COPB1: variants seen among roughly 807,000 people sequenced by gnomAD.
COPB1 encodes the protein coatomer subunit beta.
COPB1 carries 21 observed loss-of-function variants against 108.7 expected under a neutral mutation model. The observed-to-expected ratio is 0.19, with a 90% CI of 0.14 to 0.28. The LOEUF (loss-of-function observed/expected upper bound fraction) is 0.28. COPB1 is among the 10% of genes least tolerant of loss of function. The pLI is 1.00. For synonymous variants in COPB1, 378 were observed against 386.8 expected, an observed-to-expected ratio of 0.98 and a Z score of 0.27; for missense variants, 919 against 1,141.3, an observed-to-expected ratio of 0.81 and a Z score of 2.81.
At chr11:14,470,516 C>T (rs537169918) in intron 14 of COPB1, among the ~76,000 whole-genome samples, 29 of 152,284 alleles carry the variant, frequency 1.9e-4, no homozygotes, top group African/African-American at 6.7e-4. Flanking sequence ...CAAGTGATTG[C>T]AACTTACTTT....
intron 7 of COPB1, among the ~76,000 whole-genome samples, chr11:14,483,587 G>A (rs1335831371): frequency 1.3e-5 from 2 of 152,004 alleles, no homozygotes; most frequent in Non-Finnish European, 2.9e-5. Flanking sequence ...AGAATATAAA[G>A]ATCACCCAGA....
intron 7 of COPB1, among the ~76,000 whole-genome samples, chr11:14,485,992 T>A (rs1392037860): frequency 6.6e-6 from 1 of 152,208 alleles, no homozygotes. Flanking sequence ...ATAAAGGTCT[T>A]CATCCCCAAC....
chr11:14,462,325 C>A (rs1198039650), intron 18 of COPB1, among the ~76,000 whole-genome samples: 1 of 151,316 alleles, frequency 6.6e-6, no homozygotes, highest in Non-Finnish European at 1.5e-5. Context: ...CTCCACCCTT[C>A]GGGTTCAAAT....
At chr11:14,463,630 T>A (rs2134095091) in intron 18 of COPB1, among the ~76,000 whole-genome samples, 1 of 152,320 alleles carries the variant, frequency 6.6e-6, no homozygotes, top group African/African-American at 2.4e-5. Flanking sequence ...TATCTCTAGT[T>A]TAGACCTCTT....
Position 14,498,953 on chromosome 11 carries a change from T to C in COPB1, c.-25A>G, listed in dbSNP as rs372853243. The C allele has an allele frequency of 2.7e-5, 42 of 1,555,258 alleles. No homozygotes were observed. In the African/African-American group the frequency reaches 5.3e-4, roughly 20 times the overall value. On this transcript the variant is annotated 5_prime_UTR_variant, in exon 2 of 22. Coordinates refer to ENST00000439561, the MANE Select transcript of COPB1 (RefSeq NM_001144061.2). ...TGGTTTCTGGTTATATTATAACCAA[T>C]CCTTGACACAAGATTTAAGGATGCC...
chr11:14,480,850 T>C lies in COPB1; in HGVS notation c.1121A>G (p.Glu374Gly). The C allele has an allele frequency of 6.2e-7, 1 of 1,613,898 alleles. No homozygotes were observed. The highest frequency in any genetic ancestry group is 8.5e-7 in the Non-Finnish European group (1 of 1,179,766). ...GAGTTGTCTGTATTTGTCAGTATCT[T>C]CATGCTCAGACACATTATTTGTTTT... Reference protein sequence around the residue: ...VIKTNNVSEHEDTDKYRQLLV... With the variant: ...VIKTNNVSEHGDTDKYRQLLV... Residue 374 changes from glutamate to glycine, a missense_variant, in exon 10 of 22, where the codon GAA (glutamate) becomes GGA (glycine). Physicochemically the swap from Glu to Gly is moderately conservative, Grantham distance 98 (BLOSUM62 -2). This residue lies in a region of COPB1 where 705 missense variants were observed against 817.8 expected (regional missense o/e 0.86). Transcript: ENST00000439561.
intron 2 of COPB1, among the ~76,000 whole-genome samples, chr11:14,495,433 T>C (rs1354068726): frequency 6.6e-6 from 1 of 152,252 alleles, no homozygotes; most frequent in Non-Finnish European, 1.5e-5. Flanking sequence ...AATACATTTC[T>C]AATGATTAGA....
intron 7 of COPB1, among the ~76,000 whole-genome samples, chr11:14,484,268 T>C (rs1309732568): frequency 6.6e-6 from 1 of 152,206 alleles, no homozygotes; most frequent in Non-Finnish European, 1.5e-5. Flanking sequence ...GGTTAGATCC[T>C]GAACAAAAAA....
At chr11:14,477,389 C>CAAAAA (rs61014253) in intron 11 of COPB1, among the ~76,000 whole-genome samples, 20 of 73,266 alleles carry the variant, frequency 2.7e-4, no homozygotes, top group East Asian at 2.3e-3. Flanking sequence ...GACTCCGTCT[C>CAAAAA]AAAAAAAAAA....
chr11:14,475,916 T>C lies in COPB1; in HGVS notation c.1485A>G (p.Lys495=). 1 of 1,610,800 alleles carries C rather than the reference T, an allele frequency of 6.2e-7. No homozygotes were observed. Residue 495 remains lysine, a synonymous_variant, in exon 13 of 22, where the codon AAA becomes AAG. Coordinates refer to ENST00000439561, the MANE Select transcript of COPB1 (RefSeq NM_001144061.2). ...EIPIVESEIK[K]EAGELKPEEE... is the part of the protein sequence containing the mutation. ...CTTCAGGTTTTAATTCACCAGCTTC[T>C]TTCTTTATTTCTGACTCTACAATTG...
chr11:14,464,949 A>G lies in COPB1; in HGVS notation c.2372T>C (p.Val791Ala). 1 of 1,613,622 alleles carries G rather than the reference A, an allele frequency of 6.2e-7. No homozygotes were observed. The change falls in exon 18 of 22, where the codon GTA becomes GCA. Residue 791 changes from valine (V) to alanine (A), a missense_variant. By Grantham distance (64) the Val-to-Ala change is moderately conservative. Around this residue, in one of 5 missense-constraint regions of COPB1, gnomAD observed 705 missense variants for 817.8 expected, o/e 0.86. Transcript: ENST00000439561. ...DFANIKANVK[V>A]ASTENGIIFG... ...AATTATTCCATTTTCTGTTGATGCT[A>G]CTTTGACGTTAGCTTTAATATTTGC...
At position 14,475,944 on chromosome 11, in the gene COPB1, A is replaced by G; in HGVS notation, c.1457T>C (p.Ile486Thr). The change falls in exon 13 of 22, where the codon ATC becomes ACC. Residue 486 changes from isoleucine to threonine, a missense_variant and splice_region_variant. Physicochemically the swap from Ile to Thr is moderately conservative, Grantham distance 89. This residue lies in a region of COPB1 where 705 missense variants were observed against 817.8 expected (regional missense o/e 0.86). Coordinates refer to ENST00000439561, the MANE Select transcript of COPB1 (RefSeq NM_001144061.2). The stretch of plus-strand genomic sequence containing the variant: ...CTTTATTTCTGACTCTACAATTGGG[A>G]TCTAAAAGTCAATTGGAAACATCAT... ...MTEIRRSLGEIPIVESEIKKE... is the reference protein window; with the variant it reads ...MTEIRRSLGETPIVESEIKKE... 1 of 1,591,354 alleles carries G rather than the reference A, an allele frequency of 6.3e-7. No individual in the cohort carries two copies. Among genetic ancestry groups the G allele is most frequent in the Non-Finnish European group, 8.5e-7 (1 of 1,172,062 alleles).
intron 10 of COPB1, among the ~76,000 whole-genome samples, chr11:14,480,169 T>C (rs971445203): frequency 4.6e-5 from 7 of 152,200 alleles, no homozygotes; most frequent in African/African-American, 1.7e-4. Flanking sequence ...TACTATTATG[T>C]AAACAAAGTC....
chr11:14,462,641 T>C (rs1359762482), intron 18 of COPB1, among the ~76,000 whole-genome samples: 1 of 152,108 alleles, frequency 6.6e-6, no homozygotes, highest in Non-Finnish European at 1.5e-5. Context: ...AACAACTCTC[T>C]CTCTTGGAAT....
In COPB1 at chr11:14,466,374, T is replaced by A. The variant is rs369358761; in HGVS notation, c.2198A>T (p.His733Leu). The A allele has an allele frequency of 1.9e-5, 30 of 1,613,328 alleles. No homozygotes were observed. Among genetic ancestry groups the A allele is most frequent in the Non-Finnish European group, 1.9e-5 (23 of 1,179,792 alleles). The change falls in exon 17 of 22, where the codon CAT becomes CTT. Residue 733 changes from histidine to leucine, a missense_variant. His to Leu is a moderately conservative substitution (Grantham distance 99). Coordinates refer to ENST00000439561, the MANE Select transcript of COPB1 (RefSeq NM_001144061.2). The stretch of plus-strand genomic sequence containing the variant: ...CAGGACAATATCATATTGGTTGACA[T>A]GAACGTAAGCTTCTGCATATACAGG... ...SDPVYAEAYVHVNQYDIVLDV... is the reference protein window; with the variant it reads ...SDPVYAEAYVLVNQYDIVLDV...
chr11:14,484,918 T>C (rs761235810), intron 7 of COPB1, among the ~76,000 whole-genome samples: 3 of 152,214 alleles, frequency 2.0e-5, no homozygotes, highest in Non-Finnish European at 4.4e-5. Flanking sequence ...TGATATAGTC[T>C]TGATAGAATA....
intron 14 of COPB1, among the ~76,000 whole-genome samples, chr11:14,472,436 GATTA>G (rs544041735): frequency 1.6e-3 from 246 of 152,322 alleles, no homozygotes; most frequent in African/African-American, 5.7e-3. Context: ...AGACAGAGTT[GATTA>G]AGCACAATTC....
intron 4 of COPB1, among the ~76,000 whole-genome samples, chr11:14,491,736 CAAAT>C (rs1850911272): frequency 6.6e-6 from 1 of 150,530 alleles, no homozygotes; most frequent in Non-Finnish European, 1.5e-5. Flanking sequence ...ATTAAATTAT[CAAAT>C]TATACGTTTT....
Position 14,476,977 on chromosome 11 carries a change from C to T in COPB1, c.1397G>A (p.Cys466Tyr), listed in dbSNP as rs774376309. ...ACTCTGAATGTCTTCCTTGGTACTA[C>T]AGTATTCTCCCAGGATCCATAATGC... ...RGALWILGEY[C>Y]STKEDIQSVM... The change falls in exon 12 of 22, where the codon TGT (cysteine) becomes TAT (tyrosine). Residue 466 changes from cysteine to tyrosine, a missense_variant. Cys to Tyr is a radical substitution (Grantham distance 194, BLOSUM62 -2). Around this residue, in one of 5 missense-constraint regions of COPB1, gnomAD observed 705 missense variants for 817.8 expected, o/e 0.86. Coordinates refer to ENST00000439561, the MANE Select transcript of COPB1 (RefSeq NM_001144061.2). The T allele has an allele frequency of 1.2e-6, 2 of 1,612,652 alleles. No individual in the cohort carries two copies. The highest frequency in any genetic ancestry group is 4.5e-5 in the East Asian group (2 of 44,872).
Sources: allele counts gnomAD v4.1 joint callset (sites outside exome capture counted in the v4.1 genomes callset), GRCh38; gene constraint gnomAD v4.1.1; regional missense constraint gnomAD v4.1.1; transcripts MANE v1.5; gene names NCBI Gene and HGNC (gene_info 2026-07-23, HGNC 2026-07-21).